MYH7: variants seen among roughly 807,000 people sequenced by gnomAD.
MYH7 encodes the protein myosin-7.
MYH7 carries 129 observed loss-of-function variants against 225.4 expected under a neutral mutation model. That is an observed-to-expected ratio of 0.57 (90% CI 0.50 to 0.66). MYH7 has a LOEUF of 0.66. Ranked by LOEUF, MYH7 falls within the 30% of genes least tolerant of loss-of-function variation. The pLI is 0.00. For synonymous variants in MYH7, 971 were observed against 1,007.6 expected, an observed-to-expected ratio of 0.96 and a Z score of 0.69; for missense variants, 1,649 against 2,517.0, an observed-to-expected ratio of 0.66 and a Z score of 7.38.
intron 30 of MYH7, 70 bp downstream of exon 30, chr14:23,418,140 G>A (rs1566526066): frequency 9.3e-6 from 15 of 1,609,330 alleles, no homozygotes; most frequent in Non-Finnish European, 1.3e-5. Flanking sequence ...GGGATCTGCT[G>A]AGGCTGGGGC....
At chr14:23,427,090 C>A in intron 17 of MYH7, 150 bp downstream of exon 17, 4 of 841,914 alleles carry the variant, frequency 4.8e-6, no homozygotes, top group Non-Finnish European at 7.9e-6. Context: ...CAGGAGATGA[C>A]GGGAAGAGAA....
chr14:23,416,779 G>T, intron 33 of MYH7, 89 bp downstream of exon 33: 1 of 1,603,674 alleles, frequency 6.2e-7, no homozygotes, highest in South Asian at 1.1e-5. Flanking sequence ...ATGGGACAGT[G>T]AACAAAACGG....
At chr14:23,420,313 T>C in intron 26 of MYH7, 79 bp from the exon 27 acceptor site, 1 of 1,558,324 alleles carries the variant, frequency 6.4e-7, no homozygotes, top group Non-Finnish European at 8.6e-7. Flanking sequence ...GGCTCTCGGC[T>C]TCTCTGGAAC....
chr14:23,416,734 CT>C, intron 33 of MYH7, 133 bp downstream of exon 33: 1 of 1,402,194 alleles, frequency 7.1e-7, no homozygotes, highest in Non-Finnish European at 9.9e-7. Context: ...CACTGAATGC[CT>C]ACTATGTGCC....
chr14:23,420,840 CTCCATGGACACATAATCAGT>C, intron 26 of MYH7, 98 bp downstream of exon 26: 1 of 790,662 alleles, frequency 1.3e-6, no homozygotes. Context: ...GCGTGCCTGC[CTCCATGGACACATAATCAGT>C]TCCTGTAATG....
chr14:23,429,470 G>GT (rs1443823282), intron 12 of MYH7, 123 bp from the exon 13 acceptor site: 1 of 1,014,120 alleles, frequency 9.9e-7, no homozygotes, highest in Non-Finnish European at 1.5e-6. Context: ...GAGGTCAGGA[G>GT]TTTGAGACCA....
rs1403599991 is a variant in MYH7 at position 23,429,888 on chromosome 14, G to A, written c.1025C>T (p.Thr342Ile). The change falls in exon 12 of 40, where the codon ACT (threonine) becomes ATT (isoleucine). Residue 342 changes from threonine to isoleucine, a missense_variant. By Grantham distance (89) the Thr-to-Ile change is moderately conservative. Around this residue, in one of 12 missense-constraint regions of MYH7, gnomAD observed 131 missense variants for 231.3 expected, o/e 0.57. Transcript: ENST00000355349. The part of the protein sequence containing the change: ...TDNAFDVLGF[T>I]SEEKNSMYKL... ...ATACATGGAGTTTTTCTCCTCTGAA[G>A]TGAAGCCCAGCACATCAAAAGCGTT... 2.5e-6 allele frequency: 4 copies of A among 1,614,092 alleles called. No individual in the cohort carries two copies. Among genetic ancestry groups the A allele is most frequent in the Non-Finnish European group, 3.4e-6 (4 of 1,180,014 alleles).
Position 23,427,617 on chromosome 14 carries a change from G to A in MYH7, c.1856C>T (p.Thr619Ile), listed in dbSNP as rs541143322. 10 of 1,614,188 alleles carry A rather than the reference G, an allele frequency of 6.2e-6. No homozygotes were observed. Among genetic ancestry groups the A allele is most frequent in the Non-Finnish European group, 8.5e-6 (10 of 1,180,036 alleles). ...YQKSSLKLLS[T>I]LFANYAGADA... ...AGCCCCAGCATAGTTGGCAAACAGG[G>A]TGCTGAGCAGCTTGAGGGAAGACTT... Residue 619 changes from threonine (T) to isoleucine (I), a missense_variant, in exon 16 of 40, where the codon ACC becomes ATC. Transcript: ENST00000355349.
At chr14:23,413,657 G>A in intron 39 of MYH7, 102 bp downstream of exon 39, 1 of 1,523,524 alleles carries the variant, frequency 6.6e-7, no homozygotes, top group Admixed American at 1.9e-5. Flanking sequence ...TGTGGCTCAA[G>A]TGTGTGGAAT....
chr14:23,426,485 G>A (rs1892697462), intron 18 of MYH7, among the ~76,000 whole-genome samples: 1 of 152,188 alleles, frequency 6.6e-6, no homozygotes, highest in African/African-American at 2.4e-5. Flanking sequence ...GGTTCTGCAG[G>A]TAAATTTAAA....
rs1287612987 is a variant in MYH7, at chr14:23,419,283, C to T, written c.3866G>A (p.Arg1289Gln). The T allele has an allele frequency of 3.7e-6, 6 of 1,614,136 alleles. No individual in the cohort carries two copies. The highest frequency in any genetic ancestry group is 4.2e-6 in the Non-Finnish European group (5 of 1,180,034). ...CAGTGCCTCCTTCTCATCCAGCTGCCGGGACAGCTCACCTGGGGAAGCACC... is the reference window on the plus strand; with the variant it reads ...CAGTGCCTCCTTCTCATCCAGCTGCTGGGACAGCTCACCTGGGGAAGCACC... ...KLQTENGELS[R>Q]QLDEKEALIS... Residue 1289 changes from arginine (R) to glutamine (Q), a missense_variant, in exon 29 of 40, where the codon CGG becomes CAG. Coordinates refer to ENST00000355349, the MANE Select transcript of MYH7 (RefSeq NM_000257.4).
intron 17 of MYH7, 79 bp from the exon 18 acceptor site, chr14:23,426,943 G>C: frequency 1.7e-4 from 205 of 1,221,652 alleles, no homozygotes; most frequent in Non-Finnish European, 2.2e-4. Flanking sequence ...GAAGAAGGAA[G>C]GAAAAGAGAG....
At chr14:23,418,074 G>A (rs1481232789) in intron 30 of MYH7, 136 bp downstream of exon 30, 1 of 1,305,272 alleles carries the variant, frequency 7.7e-7, no homozygotes, top group Non-Finnish European at 1.1e-6. Context: ...AGAAGGAGGT[G>A]GGGCCGGGGC....
chr14:23,421,054 G>A lies in MYH7; in HGVS notation c.3246-6C>T. 1 of 1,612,522 alleles carries A rather than the reference G, an allele frequency of 6.2e-7. No individual in the cohort carries two copies. The highest frequency in any genetic ancestry group is 8.5e-7 in the Non-Finnish European group (1 of 1,179,174). On this transcript the variant is annotated splice_polypyrimidine_tract_variant and splice_region_variant and intron_variant, in intron 25 of 39. Coordinates refer to ENST00000355349, the MANE Select transcript of MYH7 (RefSeq NM_000257.4). Reference sequence around the variant, plus strand: ...CATTCAGCTCAAAGTCTTTTCTGTGGGGAAGGAGGGATGGTGAGGTAAGGG... The same window carrying A: ...CATTCAGCTCAAAGTCTTTTCTGTGAGGAAGGAGGGATGGTGAGGTAAGGG...
chr14:23,413,042 C>T (rs977493933), intron 39 of MYH7, among the ~76,000 whole-genome samples, 171 bp from the exon 40 acceptor site: 1 of 152,068 alleles, frequency 6.6e-6, no homozygotes, highest in African/African-American at 2.4e-5. Flanking sequence ...GTTCGGGGGG[C>T]AAGTTCTGGA....
chr14:23,413,625 A>G, intron 39 of MYH7, 134 bp downstream of exon 39: 1 of 1,246,148 alleles, frequency 8.0e-7, no homozygotes, highest in Non-Finnish European at 1.1e-6. Context: ...AGAGAACTGC[A>G]TTACCTTGGC....
chr14:23,418,473 TCTC>T, intron 29 of MYH7, 67 bp from the exon 30 acceptor site: 6 of 1,504,556 alleles, frequency 4.0e-6, no homozygotes, highest in Non-Finnish European at 5.3e-6. Context: ...CCCTTGCCCT[TCTC>T]CTCACCCCAA....
chr14:23,426,750 T>C (rs1892709271), intron 18 of MYH7, 27 bp downstream of exon 18: 1 of 1,602,032 alleles, frequency 6.2e-7, no homozygotes, highest in African/African-American at 1.3e-5. Flanking sequence ...TGCCCAGCAG[T>C]GGGTTGGCCT....
chr14:23,432,938 G>T, intron 4 of MYH7, 143 bp from the exon 5 acceptor site: 1 of 1,495,592 alleles, frequency 6.7e-7, no homozygotes, highest in Non-Finnish European at 9.2e-7. Flanking sequence ...CCAGTCCCCA[G>T]AGTGTTGGAA....
Sources: gnomAD v4.1 joint callset for allele counts (sites outside exome capture counted in the v4.1 genomes callset) on GRCh38, gnomAD v4.1.1 for gene constraint, gnomAD v4.1.1 regional missense constraint, MANE v1.5 for transcripts, NCBI Gene and HGNC (gene_info 2026-07-23, HGNC 2026-07-21) for gene names.